Variants in LIMCH1 observed in about 807,000 individuals in gnomAD.
LIMCH1 encodes LIM and calponin homology domains 1.
LIMCH1 carries 113 observed loss-of-function variants against 176.5 expected under a neutral mutation model. The ratio of observed to expected loss-of-function variants is 0.64; its 90% CI spans 0.55 to 0.75. The LOEUF (loss-of-function observed/expected upper bound fraction) is 0.75. Ranked by LOEUF, LIMCH1 falls within the 30% of genes least tolerant of loss-of-function variation. LIMCH1 has a pLI of 0.00. For missense variants in LIMCH1, 1,674 were observed against 1,814.9 expected (o/e 0.92, Z 1.41); for synonymous variants, 619 against 645.9 (o/e 0.96, Z 0.63).
chr4:41,677,965 T>C (rs1024650539), intron 23 of LIMCH1, among the ~76,000 whole-genome samples: 8 of 152,194 alleles, frequency 5.3e-5, no homozygotes, highest in African/African-American at 1.7e-4. Flanking sequence ...CTTCAAGTTC[T>C]GGGATACATG....
Position 41,619,342 on chromosome 4 carries a change from C to T in LIMCH1, c.360C>T (p.Tyr120=), listed in dbSNP as rs766450435. The T allele has an allele frequency of 1.7e-5, 27 of 1,614,056 alleles. No homozygotes were observed. Among genetic ancestry groups the T allele is most frequent in the South Asian group, 2.2e-5 (2 of 91,078 alleles). ...CGAACAAAAGCAATCAGACGGCCTACGTCCCCGCGCCTCTGAGAAAGAAGA... is the reference window on the plus strand; with the variant it reads ...CGAACAAAAGCAATCAGACGGCCTATGTCCCCGCGCCTCTGAGAAAGAAGA... The part of the protein sequence containing the change: ...YLPNKSNQTA[Y]VPAPLRKKKA... Residue 120 remains tyrosine (Y), a synonymous_variant, in exon 6 of 32, where the codon TAC becomes TAT. Coordinates refer to ENST00000503057, the MANE Select transcript of LIMCH1 (RefSeq NM_001330672.2).
At position 41,484,169 on chromosome 4, in the gene LIMCH1, GCTT is replaced by G. The variant is rs527522980; in HGVS notation, c.97-10362_97-10360del. Among the ~76,000 whole-genome samples the G allele has an allele frequency of 2.3e-3, 357 of 152,308 alleles. 2 individuals are homozygous for G. The highest frequency in any genetic ancestry group is 0.012 in the South Asian group (56 of 4,828). On this transcript the variant is annotated intron_variant, in intron 1 of 26. Transcript: ENST00000313860. Reference sequence around the variant, plus strand: ...TTCAGTTATGCAATTTGTGTTCATTGCTTCTTCCATGCTCTTGTAACTCTCTTC... The same window carrying G: ...TTCAGTTATGCAATTTGTGTTCATTGCTTCCATGCTCTTGTAACTCTCTTC...
intron 1 of LIMCH1, among the ~76,000 whole-genome samples, chr4:41,494,032 G>A (rs1561540384): frequency 6.6e-6 from 1 of 152,124 alleles, no homozygotes; most frequent in African/African-American, 2.4e-5. Flanking sequence ...TTTTGAAAGT[G>A]TGCATGGGGT....
At chr4:41,615,162 A>G (rs1041344673) in intron 5 of LIMCH1, among the ~76,000 whole-genome samples, 3 of 152,202 alleles carry the variant, frequency 2.0e-5, no homozygotes, top group African/African-American at 7.2e-5. Context: ...CAAAGAGTAG[A>G]TTTACTTTTC....
chr4:41,451,100 G>T (rs1422333318), intron 1 of LIMCH1, among the ~76,000 whole-genome samples: 1 of 151,946 alleles, frequency 6.6e-6, no homozygotes, highest in Non-Finnish European at 1.5e-5. Flanking sequence ...ACCCTAAAAG[G>T]GTAATTATTT....
chr4:41,598,976 A>T lies in LIMCH1; in HGVS notation c.-184A>T. On this transcript the variant is annotated 5_prime_UTR_variant, in exon 2 of 32. Coordinates refer to ENST00000503057, the MANE Select transcript of LIMCH1 (RefSeq NM_001330672.2). ...AAGAGCTCGGCCTTAAAGAATCTCA[A>T]CTTTTTGACCCGAGTGACCTCCAGG... 1 of 1,612,718 alleles carries T rather than the reference A, an allele frequency of 6.2e-7. No homozygotes were observed. The highest frequency in any genetic ancestry group is 1.3e-5 in the African/African-American group (1 of 74,996).
At position 41,521,626 on chromosome 4, in the gene LIMCH1, A is replaced by ATGT. The variant is rs374451693; in HGVS notation, c.168-2781_168-2779dup. On this transcript the variant is annotated intron_variant, in intron 2 of 26. Transcript: ENST00000313860. ...TGGGCATTTCAACAATGTGAATTCAATGTTATCTTTTATTGTTGAGTATTA... is the reference window on the plus strand; with the variant it reads ...TGGGCATTTCAACAATGTGAATTCAATGTTGTTATCTTTTATTGTTGAGTATTA... Among the ~76,000 whole-genome samples the ATGT allele has an allele frequency of 1.5e-3, 221 of 152,274 alleles. 1 individual carries two copies. The highest frequency in any genetic ancestry group is 5.1e-3 in the African/African-American group (213 of 41,566).
Position 41,596,573 on chromosome 4 carries a change from C to T in LIMCH1, c.-240-2347C>T, listed in dbSNP as rs541172338. Reference sequence around the variant, plus strand: ...ATTCAGCGACAGGATGATCAATGCACAACTAGAAAATCTGGGTCCTTTAAA... The same window carrying T: ...ATTCAGCGACAGGATGATCAATGCATAACTAGAAAATCTGGGTCCTTTAAA... On this transcript the variant is annotated intron_variant, in intron 1 of 31. Coordinates refer to ENST00000503057, the MANE Select transcript of LIMCH1 (RefSeq NM_001330672.2). 1.1e-4 allele frequency among the ~76,000 whole-genome samples: 16 copies of T among 152,298 alleles called. No homozygotes were observed. The South Asian group carries it at 2.9e-3, about 28-fold the overall frequency.
upstream of LIMCH1, among the ~76,000 whole-genome samples, chr4:41,535,979 T>G (rs2077894375): frequency 6.6e-6 from 1 of 152,234 alleles, no homozygotes; most frequent in South Asian, 2.1e-4. Flanking sequence ...TGAACAGCGT[T>G]TAGCAGAATT....
In LIMCH1 at chr4:41,547,896, T is replaced by A. The variant is rs867434447; in HGVS notation, c.-241+9546T>A. On this transcript the variant is annotated intron_variant, in intron 1 of 31. Transcript: ENST00000503057. ...ATATATATATATATATATATATATA[T>A]AAACAGTGAGTACATTACCTAGTGC... Among the ~76,000 whole-genome samples, 1,398 of 140,760 alleles carry A rather than the reference T, an allele frequency of 9.9e-3. 18 individuals carry two copies. The highest frequency in any genetic ancestry group is 0.032 in the African/African-American group (1,233 of 38,096). 92.3% of individuals were successfully genotyped at this position (140,760 alleles called of 152,430 possible).
chr4:41,582,261 C>T (rs761469274), intron 1 of LIMCH1, among the ~76,000 whole-genome samples: 232 of 152,222 alleles, frequency 1.5e-3, no homozygotes, highest in Middle Eastern at 6.8e-3. Flanking sequence ...GTATGTTGTT[C>T]CTACCACCGT....
intron 1 of LIMCH1, among the ~76,000 whole-genome samples, chr4:41,383,508 T>C (rs1045311501): frequency 2.6e-5 from 4 of 152,118 alleles, no homozygotes; most frequent in African/African-American, 9.7e-5. Flanking sequence ...AAACTGCACA[T>C]CTGAGGAAAA....
intron 1 of LIMCH1, among the ~76,000 whole-genome samples, chr4:41,581,532 C>G (rs1001829077): frequency 6.6e-6 from 1 of 152,032 alleles, no homozygotes; most frequent in Non-Finnish European, 1.5e-5. Context: ...GACAGCCGGG[C>G]GCAGTGGCTC....
Position 41,487,653 on chromosome 4 carries a change from CTTTT to C in LIMCH1, c.97-6863_97-6860del, listed in dbSNP as rs149754932. Among the ~76,000 whole-genome samples, 544 of 108,124 alleles carry C rather than the reference CTTTT, an allele frequency of 5.0e-3. 1 individual carries two copies. Among genetic ancestry groups the C allele is most frequent in the Middle Eastern group, 0.021 (3 of 142 alleles). The allele number at this position is 108,124 out of a possible 152,430, so 70.9% of individuals were successfully genotyped here. A position where few individuals can be genotyped will look rare whatever the true frequency, so the allele number is the denominator to read the frequency against. On this transcript the variant is annotated intron_variant, in intron 1 of 26. Transcript: ENST00000313860. Reference sequence around the variant, plus strand: ...TGTGGGGCACCAATTTTTTTATATTCTTTTTTTTTTTTTTTTTTTTTTTGAGACG... The same window carrying C: ...TGTGGGGCACCAATTTTTTTATATTCTTTTTTTTTTTTTTTTTTTGAGACG...
At chr4:41,541,797 G>C (rs562267700) in intron 1 of LIMCH1, among the ~76,000 whole-genome samples, 1 of 152,320 alleles carries the variant, frequency 6.6e-6, no homozygotes, top group East Asian at 1.9e-4. Context: ...CCTTCTGTTT[G>C]ATTCCCATGT....
At chr4:41,395,693 T>A (rs889433082) in intron 1 of LIMCH1, among the ~76,000 whole-genome samples, 1 of 152,080 alleles carries the variant, frequency 6.6e-6, no homozygotes, top group African/African-American at 2.4e-5. Flanking sequence ...TTGAGTGTAT[T>A]TTTTTTCTAT....
At chr4:41,385,431 T>C (rs2056356464) in intron 1 of LIMCH1, among the ~76,000 whole-genome samples, 1 of 152,226 alleles carries the variant, frequency 6.6e-6, no homozygotes, top group Non-Finnish European at 1.5e-5. Context: ...ATCATCATCA[T>C]GGGTTTCCTT....
chr4:41,483,177 A>G (rs1050856830), intron 1 of LIMCH1, among the ~76,000 whole-genome samples: 3 of 152,172 alleles, frequency 2.0e-5, no homozygotes, highest in African/African-American at 7.2e-5. Flanking sequence ...GAGAAGGGAT[A>G]GGGCCCAGAG....
chr4:41,670,840 G>A (rs1317695167), intron 21 of LIMCH1: 5 of 1,533,068 alleles, frequency 3.3e-6, no homozygotes, highest in Admixed American at 4.0e-5. Context: ...GAAAATCCAT[G>A]TTGGGGCGAT....
Sources: allele counts gnomAD v4.1 joint callset (sites outside exome capture counted in the v4.1 genomes callset), GRCh38; gene constraint gnomAD v4.1.1; transcripts MANE v1.5; gene names NCBI Gene and HGNC (gene_info 2026-07-23, HGNC 2026-07-21).